TP53BP1: variants seen among roughly 807,000 people sequenced by gnomAD.
TP53BP1 encodes TP53-binding protein 1.
Under a neutral mutation model 200.8 loss-of-function variants are expected in TP53BP1, and 61 were observed. That is an observed-to-expected ratio of 0.30 (90% CI 0.25 to 0.38). TP53BP1 has a LOEUF of 0.38. TP53BP1 is among the 10% of genes least tolerant of loss of function. TP53BP1 has a pLI of 1.00. For synonymous variants in TP53BP1, 822 were observed against 844.3 expected, an observed-to-expected ratio of 0.97 and a Z score of 0.46; for missense variants, 2,144 against 2,371.9, an observed-to-expected ratio of 0.90 and a Z score of 2.00.
chr15:43,456,441 C>T lies in TP53BP1; in HGVS notation c.2167G>A (p.Val723Ile). The change falls in exon 12 of 28, where the codon GTT (valine) becomes ATT (isoleucine). Residue 723 changes from valine (V) to isoleucine (I), a missense_variant. Val to Ile is a conservative substitution (Grantham distance 29). Coordinates refer to ENST00000382044, the MANE Select transcript of TP53BP1 (RefSeq NM_001141980.3). ...PKKECSEAMEVETSVISIDSP... is the reference protein window; with the variant it reads ...PKKECSEAMEIETSVISIDSP... ...TCAATACTAATCACACTGGTTTCAA[C>T]TTCCATAGCTTCTGAGCATTCTTTT... 6.4e-7 allele frequency: 1 copy of T among 1,572,954 alleles called. No individual in the cohort carries two copies. The highest frequency in any genetic ancestry group is 2.2e-5 in the East Asian group (1 of 44,742).
intron 8 of TP53BP1, among the ~76,000 whole-genome samples, chr15:43,476,950 T>C (rs950336103): frequency 3.3e-5 from 5 of 152,198 alleles, no homozygotes; most frequent in Non-Finnish European, 7.3e-5. Context: ...CCCAGATGAA[T>C]ATGAAAAACC....
chr15:43,501,368 C>T (rs907981004), intron 1 of TP53BP1, among the ~76,000 whole-genome samples: 3 of 151,976 alleles, frequency 2.0e-5, no homozygotes, highest in African/African-American at 7.3e-5. Context: ...TATGCACCAC[C>T]ACACCTGGCT....
intron 1 of TP53BP1, 64 bp downstream of exon 1, chr15:43,492,973 C>CCCTTCAGACCCGAAATCCAGG: frequency 6.4e-7 from 1 of 1,574,324 alleles, no homozygotes; most frequent in African/African-American, 1.4e-5. Context: ...GGTCAGCCAT[C>CCCTTCAGACCCGAAATCCAGG]CCTTCAGACC....
At chr15:43,482,343 G>A (rs544105390) in intron 4 of TP53BP1, among the ~76,000 whole-genome samples, 1 of 151,996 alleles carries the variant, frequency 6.6e-6, no homozygotes, top group Non-Finnish European at 1.5e-5. Context: ...CGTTAAAAAT[G>A]TTTGAAACAA....
chr15:43,481,922 A>G (rs1424195227), intron 4 of TP53BP1, among the ~76,000 whole-genome samples: 1 of 151,132 alleles, frequency 6.6e-6, no homozygotes, highest in Non-Finnish European at 1.5e-5. Flanking sequence ...CAAACTCCAT[A>G]TATTTTTAAA....
chr15:43,405,153 A>G lies in TP53BP1; in HGVS notation c.*2230T>C, dbSNP rs1401541697. On this transcript the variant is annotated 3_prime_UTR_variant, in exon 28 of 28. Transcript: ENST00000382044. The stretch of plus-strand genomic sequence containing the variant: ...TCCTGATTCATATTTCTTTGAAGGT[A>G]GTCTTGGGAAAGCATGACACTTAAT... The G allele has an allele frequency of 6.2e-7, 1 of 1,606,586 alleles. No homozygotes were observed. Among genetic ancestry groups the G allele is most frequent in the East Asian group, 2.2e-5 (1 of 44,850 alleles).
rs2045701098 is a variant in TP53BP1 at position 43,432,735 on chromosome 15, G to GT, written c.3192-59dup. 19 of 1,518,396 alleles carry GT rather than the reference G, an allele frequency of 1.3e-5. No homozygotes were observed. In the South Asian group the frequency reaches 2.2e-4, roughly 17 times the overall value. The allele number at this position is 1,518,396 out of a possible 1,614,324, so 94.1% of individuals were successfully genotyped here. A position where few individuals can be genotyped will look rare whatever the true frequency, so the allele number is the denominator to read the frequency against. ...ATTAAGCAAGTGTATGTGTGAACGT[G>GT]TGTGTGTGCGTGTGCATGTGTGTGT... is the stretch of plus-strand genomic sequence containing the variant. On this transcript the variant is annotated intron_variant, in intron 16 of 27. Transcript: ENST00000382044.
At position 43,474,831 on chromosome 15, in the gene TP53BP1, GCTTTTA is replaced by G. The variant is rs1057088453; in HGVS notation, c.1086-70_1086-65del. The G allele has an allele frequency of 1.5e-4, 181 of 1,213,908 alleles. 1 individual carries two copies. In the Middle Eastern group the frequency reaches 3.2e-3, roughly 22 times the overall value. The allele number at this position is 1,213,908 out of a possible 1,614,324, so 75.2% of individuals were successfully genotyped here. On this transcript the variant is annotated intron_variant, in intron 9 of 27. Coordinates refer to ENST00000382044, the MANE Select transcript of TP53BP1 (RefSeq NM_001141980.3). ...GCCACAGTTTTGCATTTCTGTATTT[GCTTTTA>G]CTTTTTAACAGGAAAAAATATCTAA...
rs368547014 is a variant in TP53BP1 at position 43,420,298 on chromosome 15, T to C, written c.4681+7A>G. 1.9e-6 allele frequency: 3 copies of C among 1,609,988 alleles called. No homozygotes were observed. Among genetic ancestry groups the C allele is most frequent in the Non-Finnish European group, 2.5e-6 (3 of 1,177,010 alleles). ...AAAATCTCTACAAACTCTGCTTCTT[T>C]CATTACCTGCACTGAAATACTCATC... On this transcript the variant is annotated splice_region_variant and intron_variant, in intron 21 of 27. Transcript: ENST00000382044.
In TP53BP1 at chr15:43,456,374, T is replaced by C. The variant is rs745879465; in HGVS notation, c.2234A>G (p.His745Arg). The stretch of plus-strand genomic sequence containing the variant: ...TTCTTCCCAAGCTTCCTGTTCCTTA[T>C]GTTCCAATTCTTGGTCAAGTATTGC... ...KLAILDQELE[H>R]KEQEAWEEAT... Residue 745 changes from histidine (H) to arginine (R), a missense_variant, in exon 12 of 28, where the codon CAT (histidine) becomes CGT (arginine). Physicochemically the swap from His to Arg is conservative, Grantham distance 29. Transcript: ENST00000382044. 3 of 1,608,958 alleles carry C rather than the reference T, an allele frequency of 1.9e-6. No individual in the cohort carries two copies. Among genetic ancestry groups the C allele is most frequent in the Non-Finnish European group, 1.7e-6 (2 of 1,178,494 alleles).
Position 43,404,370 on chromosome 15 carries a change from G to A in TP53BP1, c.*3013C>T, listed in dbSNP as rs750032171. ...GCCCCCATCCTCCATATGGAGAGTTGGTGAGCTGAAGTGGAATGACAGCTG... is the reference window on the plus strand; with the variant it reads ...GCCCCCATCCTCCATATGGAGAGTTAGTGAGCTGAAGTGGAATGACAGCTG... On this transcript the variant is annotated 3_prime_UTR_variant, in exon 28 of 28. Coordinates refer to ENST00000382044, the MANE Select transcript of TP53BP1 (RefSeq NM_001141980.3). 6.2e-6 allele frequency: 10 copies of A among 1,611,198 alleles called. No individual in the cohort carries two copies. The highest frequency in any genetic ancestry group is 8.5e-6 in the Non-Finnish European group (10 of 1,178,368).
At chr15:43,507,138 C>A (rs979659761) in intron 1 of TP53BP1, among the ~76,000 whole-genome samples, 2 of 151,668 alleles carry the variant, frequency 1.3e-5, no homozygotes, top group African/African-American at 4.8e-5. Flanking sequence ...TTGTCCAATT[C>A]TCTTTTTTTT....
chr15:43,491,767 C>A lies in TP53BP1; in HGVS notation c.287-14G>T, dbSNP rs764469206. Reference sequence around the variant, plus strand: ...AATCCACAGGGTCTGAAAAAAATAACTGGATATTAGCATGAAAGACATTTA... The same window carrying A: ...AATCCACAGGGTCTGAAAAAAATAAATGGATATTAGCATGAAAGACATTTA... On this transcript the variant is annotated splice_polypyrimidine_tract_variant and intron_variant, in intron 3 of 27. Transcript: ENST00000382044. 2.5e-6 allele frequency: 4 copies of A among 1,601,898 alleles called. No individual in the cohort carries two copies. The highest frequency in any genetic ancestry group is 1.7e-6 in the Non-Finnish European group (2 of 1,169,106).
chr15:43,463,671 A>C (rs982754853), intron 11 of TP53BP1, among the ~76,000 whole-genome samples: 1 of 152,206 alleles, frequency 6.6e-6, no homozygotes, highest in East Asian at 1.9e-4. Flanking sequence ...TCTATTTAGC[A>C]GAAGAGTGAA....
Position 43,409,017 on chromosome 15 carries a change from C to T in TP53BP1, c.5480G>A (p.Gly1827Glu). 1 of 1,614,140 alleles carries T rather than the reference C, an allele frequency of 6.2e-7. No individual in the cohort carries two copies. The highest frequency in any genetic ancestry group is 8.5e-7 in the Non-Finnish European group (1 of 1,180,020). ...TRKYFLCLASGIPCVSHVWVH... is the reference protein window; with the variant it reads ...TRKYFLCLASEIPCVSHVWVH... The stretch of plus-strand genomic sequence containing the variant: ...CCAGACATGAGACACACAAGGAATC[C>T]CACTGGCAAGGCACAGGAAGTACTT... The change falls in exon 26 of 28, where the codon GGG (glycine) becomes GAG (glutamate). Residue 1827 changes from glycine (G) to glutamate (E), a missense_variant. By Grantham distance (98) the Gly-to-Glu change is moderately conservative. Coordinates refer to ENST00000382044, the MANE Select transcript of TP53BP1 (RefSeq NM_001141980.3).
chr15:43,437,390 C>A (rs1281562650), intron 16 of TP53BP1, among the ~76,000 whole-genome samples: 1 of 152,150 alleles, frequency 6.6e-6, no homozygotes. Context: ...CCTAACACTT[C>A]TGGACGCCAA....
intron 18 of TP53BP1, among the ~76,000 whole-genome samples, chr15:43,426,224 G>T (rs2045527718): frequency 6.6e-6 from 1 of 151,692 alleles, no homozygotes; most frequent in East Asian, 1.9e-4. Context: ...CAGATCACTT[G>T]AGATCAGGAG....
intron 15 of TP53BP1, among the ~76,000 whole-genome samples, chr15:43,440,245 A>G (rs1193367495): frequency 6.6e-6 from 1 of 152,166 alleles, no homozygotes; most frequent in African/African-American, 2.4e-5. Context: ...CATGGACCAT[A>G]CATTCAGTTT....
Position 43,428,098 on chromosome 15 carries a change from C to A in TP53BP1, c.3746G>T (p.Arg1249Leu). Residue 1249 changes from arginine (R) to leucine (L), a missense_variant, in exon 18 of 28, where the codon CGG becomes CTG. By Grantham distance (102) the Arg-to-Leu change is moderately radical. Coordinates refer to ENST00000382044, the MANE Select transcript of TP53BP1 (RefSeq NM_001141980.3). Reference sequence around the variant, plus strand: ...ACGAGTGACAAGTGTGCGTACTTCCCGGATTGTTCTCATGTGACGATGTAA... The same window carrying A: ...ACGAGTGACAAGTGTGCGTACTTCCAGGATTGTTCTCATGTGACGATGTAA... ...HVLHRHMRTIREVRTLVTRVI... is the reference protein window; with the variant it reads ...HVLHRHMRTILEVRTLVTRVI... 2 of 1,613,364 alleles carry A rather than the reference C, an allele frequency of 1.2e-6. No individual in the cohort carries two copies. Among genetic ancestry groups the A allele is most frequent in the Non-Finnish European group, 1.7e-6 (2 of 1,179,330 alleles).
Sources: gnomAD v4.1 joint callset for allele counts (sites outside exome capture counted in the v4.1 genomes callset) on GRCh38, gnomAD v4.1.1 for gene constraint, MANE v1.5 for transcripts, NCBI Gene and HGNC (gene_info 2026-07-23, HGNC 2026-07-21) for gene names.